Variants in TPH2 observed in about 807,000 individuals in gnomAD.
TPH2 encodes tryptophan 5-hydroxylase 2.
Under a neutral mutation model 59.1 loss-of-function variants are expected in TPH2, and 27 were observed. The observed-to-expected ratio is 0.46, with a 90% CI of 0.34 to 0.63. The LOEUF is 0.63. Ranked by LOEUF, TPH2 falls within the 30% of genes least tolerant of loss-of-function variation. The pLI, the probability that TPH2 is intolerant of heterozygous loss-of-function variation, is 0.01. For missense variants in TPH2, 523 were observed against 588.3 expected (o/e 0.89, Z 1.15); for synonymous variants, 220 against 210.5 (o/e 1.05, Z -0.39).
At position 71,938,883 on chromosome 12, in the gene TPH2, A is replaced by C; in HGVS notation, c.-104A>C. ...GCACCAGGGTTCTGGACAGCGCCCCAAGCAGGCAGCTGATCGCACGCCCCT... is the reference window on the plus strand; with the variant it reads ...GCACCAGGGTTCTGGACAGCGCCCCCAGCAGGCAGCTGATCGCACGCCCCT... On this transcript the variant is annotated 5_prime_UTR_variant, in exon 1 of 11. Transcript: ENST00000333850. 1.0e-6 allele frequency: 1 copy of C among 973,976 alleles called. No individual in the cohort carries two copies. The highest frequency in any genetic ancestry group is 1.6e-6 in the Non-Finnish European group (1 of 607,530). 60.3% of individuals were successfully genotyped at this position (973,976 alleles called of 1,614,324 possible). A position where few individuals can be genotyped will look rare whatever the true frequency, so the allele number is the denominator to read the frequency against.
At chr12:72,022,154 A>C (rs1040612963) in intron 8 of TPH2, among the ~76,000 whole-genome samples, 3 of 152,172 alleles carry the variant, frequency 2.0e-5, no homozygotes, top group Non-Finnish European at 4.4e-5. Context: ...AATTTGACTC[A>C]TAGGGCTTCT....
intron 9 of TPH2, among the ~76,000 whole-genome samples, chr12:72,030,717 C>T (rs1873696719): frequency 1.3e-5 from 2 of 152,096 alleles, no homozygotes; most frequent in African/African-American, 4.8e-5. Flanking sequence ...TTTTAAGTAT[C>T]CTCAAATATA....
chr12:71,977,448 TAC>T (rs57986383), intron 6 of TPH2, among the ~76,000 whole-genome samples: 12,659 of 149,394 alleles, frequency 0.085, 1,702 homozygotes, highest in African/African-American at 0.28. Context: ...GTGCTCTTAC[TAC>T]ACACACACAC....
chr12:71,979,123 A>T (rs754505269), intron 7 of TPH2, 36 bp downstream of exon 7: 43 of 1,613,736 alleles, frequency 2.7e-5, no homozygotes, highest in Non-Finnish European at 3.5e-5. Flanking sequence ...CCACCACACC[A>T]TAAAGTGGTC....
intron 9 of TPH2, among the ~76,000 whole-genome samples, chr12:72,024,385 A>C (rs1267810350): frequency 6.6e-6 from 1 of 152,252 alleles, no homozygotes; most frequent in East Asian, 1.9e-4. Context: ...ACTGGAAAAG[A>C]GGATAATAAT....
rs10879348 is a variant in TPH2 at position 71,972,859 on chromosome 12, G to T, written c.805+144G>T. On this transcript the variant is annotated intron_variant, in intron 6 of 10. Coordinates refer to ENST00000333850, the MANE Select transcript of TPH2 (RefSeq NM_173353.4). Reference sequence around the variant, plus strand: ...TGGCTTTGAGCCAACAATTACCTGCGGCCACCTGTGGGAAGCAGAGCAAGG... The same window carrying T: ...TGGCTTTGAGCCAACAATTACCTGCTGCCACCTGTGGGAAGCAGAGCAAGG... The T allele has an allele frequency of 1.2e-3, 979 of 835,920 alleles. 9 individuals carry two copies. The African/African-American group carries it at 0.015, about 13-fold the overall frequency. 51.8% of individuals were successfully genotyped at this position (835,920 alleles called of 1,614,324 possible). A position where few individuals can be genotyped will look rare whatever the true frequency, so the allele number is the denominator to read the frequency against.
At chr12:71,956,818 C>T (rs967868231) in intron 5 of TPH2, among the ~76,000 whole-genome samples, 4 of 152,074 alleles carry the variant, frequency 2.6e-5, no homozygotes, top group Non-Finnish European at 4.4e-5. Context: ...CCGTGTTGCC[C>T]AGGCTGGTCT....
intron 8 of TPH2, among the ~76,000 whole-genome samples, chr12:72,009,736 G>T (rs1873051012): frequency 6.6e-6 from 1 of 152,190 alleles, no homozygotes; most frequent in Non-Finnish European, 1.5e-5. Flanking sequence ...CTGCCCCAGG[G>T]CAGGACATGG....
At chr12:71,964,636 T>A in intron 5 of TPH2, 2 of 985,360 alleles carry the variant, frequency 2.0e-6, no homozygotes, top group Non-Finnish European at 2.4e-6. Flanking sequence ...ACTAATATAG[T>A]ACTAGGTAAC....
chr12:71,948,784 A>G (rs956762556), intron 4 of TPH2, among the ~76,000 whole-genome samples: 3 of 152,234 alleles, frequency 2.0e-5, no homozygotes, highest in Non-Finnish European at 4.4e-5. Flanking sequence ...GCTAGAAGAA[A>G]CAACCCTGGA....
chr12:71,985,732 C>T (rs898596646), intron 7 of TPH2, among the ~76,000 whole-genome samples: 1 of 151,994 alleles, frequency 6.6e-6, no homozygotes, highest in Non-Finnish European at 1.5e-5. Flanking sequence ...ATTTGGTGAC[C>T]CTGATTTGCT....
At chr12:71,950,349 A>G (rs1018186679) in intron 5 of TPH2, among the ~76,000 whole-genome samples, 4 of 152,014 alleles carry the variant, frequency 2.6e-5, no homozygotes, top group African/African-American at 9.7e-5. Context: ...CAGCGAAGGG[A>G]GATAAGGGTG....
chr12:72,031,398 T>C lies in TPH2; in HGVS notation c.1298+7T>C, dbSNP rs1359782376. 1 of 1,613,126 alleles carries C rather than the reference T, an allele frequency of 6.2e-7. No individual in the cohort carries two copies. Among genetic ancestry groups the C allele is most frequent in the Non-Finnish European group, 8.5e-7 (1 of 1,179,396 alleles). The stretch of plus-strand genomic sequence containing the variant: ...AAGCCAAAGAAAAGATGAGGTAAAC[T>C]TTTTTTTCCTCCTAGCTAGAGAAAA... On this transcript the variant is annotated splice_region_variant and intron_variant, in intron 10 of 10. Coordinates refer to ENST00000333850, the MANE Select transcript of TPH2 (RefSeq NM_173353.4).
At chr12:72,028,092 G>A (rs969193821) in intron 9 of TPH2, among the ~76,000 whole-genome samples, 1 of 152,118 alleles carries the variant, frequency 6.6e-6, no homozygotes, top group Non-Finnish European at 1.5e-5. Flanking sequence ...CTTTTAGAGG[G>A]TGTTCTGATG....
intron 5 of TPH2, among the ~76,000 whole-genome samples, chr12:71,960,901 C>T (rs1466823380): frequency 6.6e-6 from 1 of 152,182 alleles, no homozygotes; most frequent in East Asian, 1.9e-4. Flanking sequence ...CTGTTTCCAA[C>T]CCTGCAGGGA....
intron 8 of TPH2, among the ~76,000 whole-genome samples, chr12:72,013,525 C>T (rs901135740): frequency 3.9e-5 from 6 of 152,194 alleles, no homozygotes; most frequent in African/African-American, 1.4e-4. Flanking sequence ...AACTTCTCTT[C>T]TTGCAGTCCT....
At chr12:72,026,487 G>T (rs1006979797) in intron 9 of TPH2, among the ~76,000 whole-genome samples, 2 of 152,128 alleles carry the variant, frequency 1.3e-5, no homozygotes, top group Non-Finnish European at 2.9e-5. Context: ...CAGAATTAGT[G>T]CTAGTCTGTA....
intron 5 of TPH2, chr12:71,961,643 G>A (rs776617227): frequency 2.2e-6 from 3 of 1,352,066 alleles, no homozygotes; most frequent in Admixed American, 3.8e-5. Context: ...TGTGTATGTT[G>A]AGCGTGCACA....
At chr12:71,947,203 C>T (rs1223706868) in intron 4 of TPH2, among the ~76,000 whole-genome samples, 1 of 152,090 alleles carries the variant, frequency 6.6e-6, no homozygotes, top group Non-Finnish European at 1.5e-5. Flanking sequence ...CCTAGCTTTC[C>T]ATTCACATCA....
Sources: allele counts gnomAD v4.1 joint callset (sites outside exome capture counted in the v4.1 genomes callset), GRCh38; gene constraint gnomAD v4.1.1; transcripts MANE v1.5; gene names NCBI Gene and HGNC (gene_info 2026-07-23, HGNC 2026-07-21).